Variants in WDR25 observed in about 807,000 individuals in gnomAD.
The protein encoded by WDR25 is WD repeat-containing protein 25.
Under a neutral mutation model 47.7 loss-of-function variants are expected in WDR25, and 35 were observed. That is an observed-to-expected ratio of 0.73 (90% CI 0.56 to 0.97). The LOEUF (loss-of-function observed/expected upper bound fraction) is 0.97, where lower values mean the gene tolerates loss of function less well. Among genes scored for constraint, WDR25 ranks in the 50% least tolerant of loss-of-function variants. The pLI, the probability that WDR25 is intolerant of heterozygous loss-of-function variation, is 0.00. For synonymous variants in WDR25, 248 were observed against 278.9 expected, an observed-to-expected ratio of 0.89 and a Z score of 1.10; for missense variants, 634 against 704.7, an observed-to-expected ratio of 0.90 and a Z score of 1.14.
Position 100,428,591 on chromosome 14 carries a change from C to T in WDR25, c.823-39430C>T, listed in dbSNP as rs1274407581. On this transcript the variant is annotated intron_variant, in intron 2 of 6. Coordinates refer to ENST00000402312, the MANE Select transcript of WDR25 (RefSeq NM_001161476.3). The surrounding 1 kb of genome is among the most constrained non-coding windows in gnomAD (Gnocchi z 4.3). ...TTGATGCCGACCTGCTAGCCTGCTC[C>T]ATGCTGTCCAGGAGAGTACTGGGGC... 6.6e-6 allele frequency among the ~76,000 whole-genome samples: 1 copy of T among 152,182 alleles called. No individual in the cohort carries two copies. The highest frequency in any genetic ancestry group is 1.5e-5 in the Non-Finnish European group (1 of 68,030).
intron 1 of WDR25, among the ~76,000 whole-genome samples, chr14:100,380,672 T>G (rs1192306808): frequency 1.3e-5 from 2 of 151,844 alleles, no homozygotes; most frequent in Non-Finnish European, 2.9e-5. Flanking sequence ...TTTTGTATTT[T>G]TAGTAGAGAC....
chr14:100,528,435 C>CTTTT (rs66881970), intron 5 of WDR25, among the ~76,000 whole-genome samples: 21 of 131,004 alleles, frequency 1.6e-4, no homozygotes, highest in East Asian at 4.5e-4. Flanking sequence ...TTCTTTCTTT[C>CTTTT]TTTTTTTTTT....
intron 2 of WDR25, among the ~76,000 whole-genome samples, chr14:100,443,774 G>A (rs562942889): frequency 5.3e-4 from 80 of 152,306 alleles, no homozygotes; most frequent in African/African-American, 1.9e-3. Context: ...GGAGCGCTCC[G>A]GGCTGATGTG....
intron 2 of WDR25, among the ~76,000 whole-genome samples, chr14:100,384,705 G>A (rs1896980500): frequency 6.6e-6 from 1 of 152,148 alleles, no homozygotes; most frequent in Admixed American, 6.5e-5. Context: ...GAAATGGTGG[G>A]TGCAGCATGG....
chr14:100,471,619 T>C (rs1288354345), intron 3 of WDR25, among the ~76,000 whole-genome samples: 1 of 152,206 alleles, frequency 6.6e-6, no homozygotes, highest in Non-Finnish European at 1.5e-5. Flanking sequence ...GAGAAGGCAG[T>C]GCAGGGCGTT....
chr14:100,498,189 C>T lies in WDR25; in HGVS notation c.1101+14065C>T. ...GTACCCTGTCAGTGGGCAGGCTTTC[C>T]TGGCAGCCACAGCCTTTTCTCACAC... is the stretch of plus-strand genomic sequence containing the variant. On this transcript the variant is annotated intron_variant, in intron 4 of 6. Transcript: ENST00000402312. This position sits in a 1 kb window ranked among gnomAD's most constrained non-coding sequence, Gnocchi z 4.2. Among the ~76,000 whole-genome samples the T allele has an allele frequency of 6.6e-6, 1 of 152,204 alleles. No individual in the cohort carries two copies.
At chr14:100,504,179 A>G (rs1901035229) in intron 4 of WDR25, among the ~76,000 whole-genome samples, 1 of 152,204 alleles carries the variant, frequency 6.6e-6, no homozygotes, top group Non-Finnish European at 1.5e-5. Context: ...GTGGGCTTAA[A>G]AAACTGTTAT....
intron 2 of WDR25, chr14:100,455,417 A>T (rs921562662): frequency 1.3e-5 from 2 of 152,220 alleles, no homozygotes; most frequent in Non-Finnish European, 2.9e-5. Flanking sequence ...GGACAATATC[A>T]GAAAATCTAT....
intron 2 of WDR25, among the ~76,000 whole-genome samples, chr14:100,451,424 GC>G (rs2140266613): frequency 6.6e-6 from 1 of 152,100 alleles, no homozygotes; most frequent in African/African-American, 2.4e-5. Context: ...TCTCCATGTT[GC>G]CCCAGGCTGG....
At chr14:100,515,448 T>C (rs1161221581) in intron 4 of WDR25, among the ~76,000 whole-genome samples, 4 of 152,168 alleles carry the variant, frequency 2.6e-5, no homozygotes, top group Non-Finnish European at 5.9e-5. Flanking sequence ...TTAGTAATCA[T>C]ATCTTATGCA....
intron 4 of WDR25, among the ~76,000 whole-genome samples, chr14:100,489,715 C>T (rs1305931639): frequency 1.3e-5 from 2 of 152,146 alleles, no homozygotes; most frequent in African/African-American, 4.8e-5. Flanking sequence ...TGCAGGGTGA[C>T]ATTGGGCAGG....
At chr14:100,400,800 T>C (rs986764000) in intron 2 of WDR25, among the ~76,000 whole-genome samples, 3 of 152,186 alleles carry the variant, frequency 2.0e-5, no homozygotes, top group African/African-American at 7.2e-5. Context: ...GAAGCTTTGG[T>C]GTGTGAATAA....
At chr14:100,507,975 GAAAACTACAA>G (rs1439038798) in intron 4 of WDR25, among the ~76,000 whole-genome samples, 6 of 151,870 alleles carry the variant, frequency 4.0e-5, no homozygotes, top group African/African-American at 1.5e-4. Flanking sequence ...AAGAAAAAAA[GAAAACTACAA>G]GCCAATATCC....
chr14:100,466,663 C>T (rs891898874), intron 2 of WDR25, among the ~76,000 whole-genome samples: 1 of 152,208 alleles, frequency 6.6e-6, no homozygotes. Context: ...AGCCACTCAG[C>T]CAAGGCCCGA....
intron 2 of WDR25, among the ~76,000 whole-genome samples, chr14:100,467,677 G>A (rs1299942402): frequency 6.6e-6 from 1 of 151,994 alleles, no homozygotes; most frequent in Non-Finnish European, 1.5e-5. Context: ...GTAGAGAAAA[G>A]GTTTCACCAT....
intron 4 of WDR25, among the ~76,000 whole-genome samples, chr14:100,491,702 G>A (rs764915914): frequency 1.3e-5 from 2 of 152,222 alleles, no homozygotes; most frequent in South Asian, 2.1e-4. Context: ...AGGGCTGTGC[G>A]TTTTGTTCTT....
At position 100,392,843 on chromosome 14, in the gene WDR25, C is replaced by T. The variant is rs2140156332; in HGVS notation, c.822+11097C>T. Among the ~76,000 whole-genome samples the T allele has an allele frequency of 6.6e-6, 1 of 152,262 alleles. No homozygotes were observed. Among genetic ancestry groups the T allele is most frequent in the Non-Finnish European group, 1.5e-5 (1 of 68,020 alleles). On this transcript the variant is annotated intron_variant, in intron 2 of 6. Coordinates refer to ENST00000402312, the MANE Select transcript of WDR25 (RefSeq NM_001161476.3). The surrounding 1 kb of genome is among the most constrained non-coding windows in gnomAD (Gnocchi z 4.2). Reference sequence around the variant, plus strand: ...AGTGGTTATCTTCATGCATGAAACCCTTTTCTGTTGGATTATTTCTTTCGG... The same window carrying T: ...AGTGGTTATCTTCATGCATGAAACCTTTTTCTGTTGGATTATTTCTTTCGG...
intron 4 of WDR25, among the ~76,000 whole-genome samples, chr14:100,521,707 T>C (rs189423669): frequency 2.0e-5 from 3 of 152,370 alleles, no homozygotes; most frequent in East Asian, 1.9e-4. Flanking sequence ...CAAATAGTGC[T>C]GTTTTCAGTG....
intron 2 of WDR25, among the ~76,000 whole-genome samples, chr14:100,383,073 G>C (rs1056355704): frequency 6.6e-6 from 1 of 152,200 alleles, no homozygotes; most frequent in African/African-American, 2.4e-5. Context: ...GTGAAGAAAG[G>C]AAGCTCCAAG....
Sources: allele counts gnomAD v4.1 joint callset (sites outside exome capture counted in the v4.1 genomes callset), GRCh38; gene constraint gnomAD v4.1.1; non-coding constraint Gnocchi (gnomAD v3.1); transcripts MANE v1.5; gene names NCBI Gene and HGNC (gene_info 2026-07-23, HGNC 2026-07-21).